PAK5: variants seen among roughly 807,000 people sequenced by gnomAD.
PAK5 encodes serine/threonine-protein kinase PAK 5.
PAK5 carries 16 observed loss-of-function variants against 65.9 expected under a neutral mutation model. The observed-to-expected ratio is 0.24, with a 90% CI of 0.16 to 0.37. PAK5 has a LOEUF of 0.37. Ranked by LOEUF, PAK5 falls within the 10% of genes least tolerant of loss-of-function variation. The probability of loss-of-function intolerance (pLI) is 1.00; values close to 1 mark genes in which losing one functional copy is unlikely to be tolerated. For missense variants in PAK5, 785 were observed against 903.9 expected (o/e 0.87, Z 1.69); for synonymous variants, 371 against 354.9 (o/e 1.05, Z -0.51).
chr20:9,745,365 A>C (rs1007320680), intron 1 of PAK5, among the ~76,000 whole-genome samples: 2 of 151,924 alleles, frequency 1.3e-5, no homozygotes, highest in Non-Finnish European at 2.9e-5. Flanking sequence ...CCAATGTCAC[A>C]GTTCATCCTC....
chr20:9,665,301 G>A (rs530200283), intron 2 of PAK5, among the ~76,000 whole-genome samples: 3 of 152,070 alleles, frequency 2.0e-5, no homozygotes, highest in African/African-American at 7.2e-5. Flanking sequence ...GATAAAGCAG[G>A]AAATGTGGCA....
chr20:9,724,070 G>A (rs2048247677), intron 1 of PAK5, among the ~76,000 whole-genome samples: 1 of 152,124 alleles, frequency 6.6e-6, no homozygotes, highest in South Asian at 2.1e-4. Context: ...CATTACAAAT[G>A]TAGCAGAAAA....
In PAK5 at chr20:9,580,314, T is replaced by C. The variant is rs201331261; in HGVS notation, c.821A>G (p.Asn274Ser). The C allele has an allele frequency of 3.2e-4, 515 of 1,614,024 alleles. No individual in the cohort carries two copies. Among genetic ancestry groups the C allele is most frequent in the Non-Finnish European group, 4.1e-4 (478 of 1,180,042 alleles). The change falls in exon 4 of 10, where the codon AAT becomes AGT. Residue 274 changes from asparagine to serine, a missense_variant. Physicochemically the swap from Asn to Ser is conservative, Grantham distance 46. Around this residue, in one of 4 missense-constraint regions of PAK5, gnomAD observed 422 missense variants for 413.3 expected, o/e 1.02. Coordinates refer to ENST00000353224, the MANE Select transcript of PAK5 (RefSeq NM_177990.4). ...YDRRPKSSYL[N>S]QTSPQPTMRQ... ...CATGGTGGGCTGAGGGCTTGTCTGA[T>C]TCAGGTACGAAGACTTTGGCCTCCT...
At chr20:9,735,767 A>C (rs540869207) in intron 1 of PAK5, among the ~76,000 whole-genome samples, 7 of 152,210 alleles carry the variant, frequency 4.6e-5, no homozygotes, top group African/African-American at 1.7e-4. Flanking sequence ...TCATGCCTGT[A>C]ATCCCAGCAC....
intron 9 of PAK5, 46 bp downstream of exon 9, chr20:9,542,540 A>G: frequency 6.2e-7 from 1 of 1,608,646 alleles, no homozygotes; most frequent in Non-Finnish European, 8.5e-7. Flanking sequence ...GATACAGGAA[A>G]ATCCAAAAAC....
At chr20:9,659,891 T>C (rs1163233002) in intron 2 of PAK5, among the ~76,000 whole-genome samples, 1 of 152,186 alleles carries the variant, frequency 6.6e-6, no homozygotes, top group African/African-American at 2.4e-5. Flanking sequence ...ACCCCTGCTA[T>C]GGTGTATAAG....
chr20:9,784,291 G>C (rs897030547), intron 1 of PAK5: 3 of 152,156 alleles, frequency 2.0e-5, no homozygotes, highest in African/African-American at 4.8e-5. Context: ...TCAAAGATAA[G>C]AGGAAGATGT....
At chr20:9,706,473 T>C (rs1318902750) in intron 2 of PAK5, among the ~76,000 whole-genome samples, 2 of 16,430 alleles carry the variant, frequency 1.2e-4, no homozygotes, top group African/African-American at 3.4e-4. Context: ...TACAAACTCT[T>C]TTTTTTTTTT....
intron 3 of PAK5, among the ~76,000 whole-genome samples, chr20:9,604,506 A>G (rs1568993167): frequency 6.6e-6 from 1 of 152,196 alleles, no homozygotes; most frequent in African/African-American, 2.4e-5. Flanking sequence ...ACACTGAAGT[A>G]TGGAGGACAA....
chr20:9,658,366 G>A lies in PAK5; in HGVS notation c.-11-14027C>T, dbSNP rs375203394. Among the ~76,000 whole-genome samples, 16 of 152,158 alleles carry A rather than the reference G, an allele frequency of 1.1e-4. 2 individuals carry two copies. In the South Asian group the frequency reaches 2.7e-3, roughly 26 times the overall value. ...CTGACTGGTCTAGGATGGCCACATGGACTCTCATCTTTCAGCAGGGTAGCA... is the reference window on the plus strand; with the variant it reads ...CTGACTGGTCTAGGATGGCCACATGAACTCTCATCTTTCAGCAGGGTAGCA... On this transcript the variant is annotated intron_variant, in intron 2 of 9. Coordinates refer to ENST00000353224, the MANE Select transcript of PAK5 (RefSeq NM_177990.4).
intron 2 of PAK5, among the ~76,000 whole-genome samples, chr20:9,696,006 TA>T (rs2047864337): frequency 6.6e-6 from 1 of 152,106 alleles, no homozygotes; most frequent in South Asian, 2.1e-4. Flanking sequence ...TAATATATTT[TA>T]TTTAACGTAA....
chr20:9,588,022 C>T (rs76821874), intron 3 of PAK5, among the ~76,000 whole-genome samples: 2 of 152,108 alleles, frequency 1.3e-5, no homozygotes, highest in Non-Finnish European at 2.9e-5. Context: ...TGTTCATTTT[C>T]TCATTCCCTT....
At chr20:9,707,122 T>C (rs945498636) in intron 2 of PAK5, among the ~76,000 whole-genome samples, 2 of 152,056 alleles carry the variant, frequency 1.3e-5, no homozygotes, top group Non-Finnish European at 2.9e-5. Flanking sequence ...TTCTTTTCTG[T>C]TCTTTTCTTT....
intron 1 of PAK5, among the ~76,000 whole-genome samples, chr20:9,718,832 G>A (rs2048181395): frequency 6.6e-6 from 1 of 152,070 alleles, no homozygotes; most frequent in Non-Finnish European, 1.5e-5. Context: ...AACACTTTCA[G>A]TTAGATGCTG....
chr20:9,672,924 C>G (rs1301819479), intron 2 of PAK5, among the ~76,000 whole-genome samples: 1 of 152,118 alleles, frequency 6.6e-6, no homozygotes, highest in East Asian at 1.9e-4. Context: ...GCAATTCCTG[C>G]ATTAGATGGG....
In PAK5 at chr20:9,693,450, C is replaced by T. The variant is rs763800325; in HGVS notation, c.-12+17836G>A. Among the ~76,000 whole-genome samples the T allele has an allele frequency of 9.9e-5, 15 of 151,794 alleles. No homozygotes were observed. The South Asian group carries it at 3.1e-3, about 32-fold the overall frequency. ...GTTTACCTGTCCATTTCCATCTTCC[C>T]CTCCCTCCCTTTCTCTCCCTCTCTC... is the stretch of plus-strand genomic sequence containing the variant. On this transcript the variant is annotated intron_variant, in intron 2 of 9. Coordinates refer to ENST00000353224, the MANE Select transcript of PAK5 (RefSeq NM_177990.4).
At chr20:9,710,141 T>G (rs1428679925) in intron 2 of PAK5, among the ~76,000 whole-genome samples, 2 of 152,176 alleles carry the variant, frequency 1.3e-5, no homozygotes, top group Admixed American at 6.5e-5. Flanking sequence ...GTTTCTCATC[T>G]AGAAGGACAC....
intron 1 of PAK5, among the ~76,000 whole-genome samples, chr20:9,781,427 G>A (rs767924642): frequency 2.0e-5 from 3 of 152,122 alleles, no homozygotes; most frequent in Non-Finnish European, 4.4e-5. Flanking sequence ...CTGGAGAGGC[G>A]AATAAGATAA....
intron 1 of PAK5, among the ~76,000 whole-genome samples, chr20:9,811,374 T>C (rs62192940): frequency 0.15 from 23,273 of 152,126 alleles, 2,073 homozygotes; most frequent in East Asian, 0.37. Flanking sequence ...AAGAAATATG[T>C]GTTCCTAGAA....
Sources: allele counts gnomAD v4.1 joint callset (sites outside exome capture counted in the v4.1 genomes callset), GRCh38; gene constraint gnomAD v4.1.1; regional missense constraint gnomAD v4.1.1; transcripts MANE v1.5; gene names NCBI Gene and HGNC (gene_info 2026-07-23, HGNC 2026-07-21).